MAP4K3: variants seen among roughly 807,000 people sequenced by gnomAD.
MAP4K3 encodes MAPK/ERK kinase kinase kinase 3.
In MAP4K3, 94 loss-of-function variants were observed where a neutral mutation model predicts 143.5. The ratio of observed to expected loss-of-function variants is 0.65; its 90% CI spans 0.55 to 0.78. MAP4K3 has a LOEUF of 0.78. Among genes scored for constraint, MAP4K3 ranks in the 30% least tolerant of loss-of-function variants. MAP4K3 has a pLI of 0.00. For synonymous variants in MAP4K3, 416 were observed against 347.2 expected (o/e 1.20, Z -2.20); for missense variants, 1,077 against 1,068.1 (o/e 1.01, Z -0.12).
At chr2:39,332,347 G>A (rs557940141) in intron 7 of MAP4K3, among the ~76,000 whole-genome samples, 1 of 152,050 alleles carries the variant, frequency 6.6e-6, no homozygotes, top group South Asian at 2.1e-4. Context: ...GAATATCACT[G>A]GAAGGGATCT....
chr2:39,365,389 T>C (rs924055796), intron 2 of MAP4K3, among the ~76,000 whole-genome samples: 5 of 151,668 alleles, frequency 3.3e-5, no homozygotes, highest in African/African-American at 9.7e-5. Flanking sequence ...CATCAGTCGG[T>C]TGGGGGGCTT....
intron 1 of MAP4K3, among the ~76,000 whole-genome samples, chr2:39,408,629 G>A (rs1361619722): frequency 8.1e-6 from 1 of 123,900 alleles, no homozygotes; most frequent in Non-Finnish European, 1.7e-5. Context: ...GAAAGAGATT[G>A]CAGATATGGC....
chr2:39,403,551 C>T (rs1667010766), intron 1 of MAP4K3, among the ~76,000 whole-genome samples: 1 of 152,060 alleles, frequency 6.6e-6, no homozygotes, highest in South Asian at 2.1e-4. Flanking sequence ...TCAGCCCTAG[C>T]CAGAAGGGAA....
At chr2:39,265,416 A>C in intron 27 of MAP4K3, 110 bp from the exon 28 acceptor site, 3 of 769,912 alleles carry the variant, frequency 3.9e-6, no homozygotes, top group Admixed American at 2.3e-5. Flanking sequence ...ATAAAACAAA[A>C]TCAAAAGCTG....
At chr2:39,365,092 T>C (rs1452258238) in intron 2 of MAP4K3, among the ~76,000 whole-genome samples, 2 of 152,116 alleles carry the variant, frequency 1.3e-5, no homozygotes, top group African/African-American at 2.4e-5. Context: ...TCAAAATATA[T>C]CAAAGAAATA....
intron 23 of MAP4K3, among the ~76,000 whole-genome samples, chr2:39,278,752 C>T (rs1681383896): frequency 6.6e-6 from 1 of 152,148 alleles, no homozygotes; most frequent in South Asian, 2.1e-4. Context: ...TCAGAGAATG[C>T]TAAGAACTGG....
chr2:39,401,221 G>A (rs899741127), intron 1 of MAP4K3, among the ~76,000 whole-genome samples: 4 of 152,008 alleles, frequency 2.6e-5, no homozygotes, highest in African/African-American at 9.7e-5. Flanking sequence ...GGAAGGGGAG[G>A]GGGGTGTCCC....
intron 1 of MAP4K3, among the ~76,000 whole-genome samples, chr2:39,397,468 G>C (rs1666840374): frequency 6.6e-6 from 1 of 152,112 alleles, no homozygotes; most frequent in Non-Finnish European, 1.5e-5. Flanking sequence ...TTAAAGAAAT[G>C]AAAGTAGAAT....
intron 15 of MAP4K3, among the ~76,000 whole-genome samples, chr2:39,301,492 G>A (rs1460333022): frequency 3.9e-5 from 6 of 152,132 alleles, no homozygotes; most frequent in Non-Finnish European, 8.8e-5. Flanking sequence ...TTCAGCTATA[G>A]ATAACTGGGC....
intron 26 of MAP4K3, among the ~76,000 whole-genome samples, chr2:39,269,719 TCA>T (rs1193004747): frequency 1.3e-5 from 2 of 152,150 alleles, no homozygotes; most frequent in Non-Finnish European, 2.9e-5. Context: ...AAAACGTTTT[TCA>T]CACTGTGACA....
At chr2:39,331,028 T>C (rs577338993) in intron 8 of MAP4K3, among the ~76,000 whole-genome samples, 74 of 152,234 alleles carry the variant, frequency 4.9e-4, no homozygotes, top group African/African-American at 1.7e-3. Context: ...TTTAGCATTA[T>C]TTGACTTTTA....
intron 1 of MAP4K3, among the ~76,000 whole-genome samples, chr2:39,404,605 T>C (rs1482887127): frequency 6.7e-6 from 1 of 150,202 alleles, no homozygotes; most frequent in Non-Finnish European, 1.5e-5. Flanking sequence ...CTTTTTTTTT[T>C]CTTCTTTCTT....
At chr2:39,406,932 G>C (rs1007365177) in intron 1 of MAP4K3, among the ~76,000 whole-genome samples, 1 of 152,124 alleles carries the variant, frequency 6.6e-6, no homozygotes, top group Non-Finnish European at 1.5e-5. Flanking sequence ...ACAAGACACA[G>C]ATGTTACAAG....
chr2:39,425,600 A>G (rs1665043252), intron 1 of MAP4K3, among the ~76,000 whole-genome samples: 1 of 152,176 alleles, frequency 6.6e-6, no homozygotes, highest in South Asian at 2.1e-4. Context: ...TACAAGCCAG[A>G]AAGAGAGCAT....
chr2:39,346,750 A>G (rs1665304202), intron 3 of MAP4K3, among the ~76,000 whole-genome samples: 1 of 152,204 alleles, frequency 6.6e-6, no homozygotes, highest in South Asian at 2.1e-4. Flanking sequence ...GGGTTTACTA[A>G]TGAGCTTAAG....
At chr2:39,392,321 AT>A (rs1436621478) in intron 1 of MAP4K3, among the ~76,000 whole-genome samples, 4 of 152,140 alleles carry the variant, frequency 2.6e-5, no homozygotes, top group Non-Finnish European at 4.4e-5. Context: ...AAAAATGCAT[AT>A]TTTTTAATTC....
intron 24 of MAP4K3, among the ~76,000 whole-genome samples, chr2:39,273,136 G>A (rs1220290120): frequency 2.0e-5 from 3 of 152,076 alleles, no homozygotes; most frequent in Admixed American, 2.0e-4. Context: ...AAGCCTGAAA[G>A]TGGTCACAAC....
At chr2:39,308,798 C>T (rs1682811414) in intron 14 of MAP4K3, among the ~76,000 whole-genome samples, 1 of 151,970 alleles carries the variant, frequency 6.6e-6, no homozygotes, top group Non-Finnish European at 1.5e-5. Flanking sequence ...AAAGTTATAG[C>T]AAGCCTTAAA....
At chr2:39,436,740 G>C (rs1390059500) in intron 1 of MAP4K3, 152 bp downstream of exon 1, 4 of 642,498 alleles carry the variant, frequency 6.2e-6, no homozygotes, top group African/African-American at 3.7e-5. Context: ...TGTTCACCAA[G>C]GCAGCAGAGC....
Sources: gnomAD v4.1 joint callset for allele counts (sites outside exome capture counted in the v4.1 genomes callset) on GRCh38, gnomAD v4.1.1 for gene constraint, MANE v1.5 for transcripts, NCBI Gene and HGNC (gene_info 2026-07-23, HGNC 2026-07-21) for gene names.